DCAKD: variants seen among roughly 807,000 people sequenced by gnomAD.
DCAKD encodes the protein dephospho-CoA kinase domain-containing protein.
Under a neutral mutation model 18.7 loss-of-function variants are expected in DCAKD, and 15 were observed. The observed-to-expected ratio is 0.80, with a 90% CI of 0.54 to 1.24. The LOEUF (loss-of-function observed/expected upper bound fraction) is 1.24. Among genes scored for constraint, DCAKD ranks in the 50% most tolerant of loss-of-function variants. The pLI, the probability that DCAKD is intolerant of heterozygous loss-of-function variation, is 0.00. For synonymous variants in DCAKD, 130 were observed against 133.0 expected (o/e 0.98, Z 0.16); for missense variants, 301 against 322.0 (o/e 0.93, Z 0.50).
At chr17:45,043,312 G>T (rs2053482611) in intron 1 of DCAKD, among the ~76,000 whole-genome samples, 1 of 151,618 alleles carries the variant, frequency 6.6e-6, no homozygotes, top group African/African-American at 2.4e-5. Flanking sequence ...AGGATTAAAT[G>T]AGGTGACAAC....
intron 1 of DCAKD, among the ~76,000 whole-genome samples, chr17:45,059,036 C>A (rs184243900): frequency 0.046 from 6,944 of 152,020 alleles, 518 homozygotes; most frequent in African/African-American, 0.16. Flanking sequence ...GTCAGGAGAT[C>A]GAGCCCACCC....
At chr17:45,032,961 C>T (rs1159569118) in intron 3 of DCAKD, among the ~76,000 whole-genome samples, 1 of 152,198 alleles carries the variant, frequency 6.6e-6, no homozygotes, top group East Asian at 1.9e-4. Context: ...AGATCCCAAG[C>T]CACCGCCCTC....
chr17:45,032,841 A>C (rs2053200738), intron 3 of DCAKD, among the ~76,000 whole-genome samples: 1 of 151,762 alleles, frequency 6.6e-6, no homozygotes. Flanking sequence ...GTAGTGACTG[A>C]GAGTGGGGTG....
At position 45,041,195 on chromosome 17, in the gene DCAKD, C is replaced by G. The variant is rs142437085; in HGVS notation, c.-114-6196G>C. On this transcript the variant is annotated intron_variant, in intron 1 of 4. Coordinates refer to ENST00000651974, the MANE Select transcript of DCAKD (RefSeq NM_001288655.2). The stretch of plus-strand genomic sequence containing the variant: ...ATCTAAAACCTTCACTGCCTTCTCC[C>G]GCCTCCTCCTGGCCCTTCACAGAGG... Among the ~76,000 whole-genome samples the G allele has an allele frequency of 9.6e-3, 1,454 of 152,200 alleles. 17 individuals are homozygous for G. Among genetic ancestry groups the G allele is most frequent in the Non-Finnish European group, 0.016 (1,094 of 68,008 alleles).
chr17:45,057,508 G>A (rs892917997), intron 1 of DCAKD, among the ~76,000 whole-genome samples: 31 of 151,750 alleles, frequency 2.0e-4, no homozygotes, highest in African/African-American at 6.8e-4. Context: ...TTGGAGACCA[G>A]CCTGGGCAAC....
intron 4 of DCAKD, among the ~76,000 whole-genome samples, chr17:45,026,329 G>A (rs1003588012): frequency 6.7e-6 from 1 of 148,510 alleles, no homozygotes; most frequent in Non-Finnish European, 1.5e-5. Context: ...CCAGGTTCAC[G>A]CCATTCTCCT....
chr17:45,031,369 C>G (rs914536471), intron 3 of DCAKD: 67 of 983,324 alleles, frequency 6.8e-5, no homozygotes, highest in Non-Finnish European at 7.7e-5. Context: ...TTGGTAGCCC[C>G]CCCACCTTCC....
chr17:45,044,284 G>A (rs1373499533), intron 1 of DCAKD, among the ~76,000 whole-genome samples: 1 of 151,992 alleles, frequency 6.6e-6, no homozygotes, highest in East Asian at 2.0e-4. Flanking sequence ...CTCTTCCCCA[G>A]AGGGCTGCCC....
intron 1 of DCAKD, among the ~76,000 whole-genome samples, chr17:45,043,847 C>T (rs1214974345): frequency 2.6e-5 from 4 of 152,028 alleles, no homozygotes; most frequent in Non-Finnish European, 5.9e-5. Flanking sequence ...GGCCAAAAGC[C>T]TCGGAATCCT....
intron 2 of DCAKD, 62 bp from the exon 3 acceptor site, chr17:45,034,452 A>C: frequency 3.2e-6 from 5 of 1,582,730 alleles, no homozygotes; most frequent in Non-Finnish European, 3.4e-6. Context: ...AGAGGACCTC[A>C]GTGACCAGGG....
intron 1 of DCAKD, among the ~76,000 whole-genome samples, chr17:45,040,445 T>C (rs8078303): frequency 0.21 from 31,851 of 148,826 alleles, 3,767 homozygotes; most frequent in Admixed American, 0.32. Flanking sequence ...TTACTGTTGG[T>C]GGCCTGGGAA....
chr17:45,052,211 G>A (rs1302919198), upstream of DCAKD, among the ~76,000 whole-genome samples: 1 of 152,160 alleles, frequency 6.6e-6, no homozygotes, highest in African/African-American at 2.4e-5. Context: ...CCCGGAGCCG[G>A]GAAGGAGAGG....
intron 1 of DCAKD, among the ~76,000 whole-genome samples, chr17:45,043,819 C>CA (rs2053496586): frequency 6.6e-6 from 1 of 151,896 alleles, no homozygotes; most frequent in African/African-American, 2.4e-5. Context: ...CTCCCTCCTC[C>CA]CTCCTTCCAC....
intron 1 of DCAKD, among the ~76,000 whole-genome samples, chr17:45,042,550 G>C (rs1025959397): frequency 6.6e-6 from 1 of 152,168 alleles, no homozygotes; most frequent in Non-Finnish European, 1.5e-5. Context: ...TTTCCTAAGG[G>C]GGTGTATCTG....
chr17:45,060,957 G>A (rs2143433081), exon 1 of DCAKD: 15 of 969,980 alleles, frequency 1.5e-5, no homozygotes, highest in Non-Finnish European at 1.9e-5. Flanking sequence ...GGCAAGGGCA[G>A]GCTGAAATCA....
chr17:45,052,485 C>T (rs1303137513), upstream of DCAKD, among the ~76,000 whole-genome samples: 2 of 152,140 alleles, frequency 1.3e-5, no homozygotes, highest in Non-Finnish European at 2.9e-5. Flanking sequence ...GAGCCCGCAT[C>T]CTGTCCATAC....
intron 1 of DCAKD, among the ~76,000 whole-genome samples, chr17:45,038,691 C>T (rs937766374): frequency 2.6e-5 from 4 of 152,142 alleles, no homozygotes; most frequent in African/African-American, 4.8e-5. Flanking sequence ...TCCAGCCTCC[C>T]GGGTTACCTA....
chr17:45,032,213 G>T (rs2053184315), intron 3 of DCAKD: 1 of 750,536 alleles, frequency 1.3e-6, no homozygotes, highest in African/African-American at 1.9e-5. Flanking sequence ...CACAACATAG[G>T]AGGCAGCACA....
Position 45,034,758 on chromosome 17 carries a change from T to A in DCAKD, c.112+16A>T, listed in dbSNP as rs951858289. On this transcript the variant is annotated intron_variant, in intron 2 of 4. Coordinates refer to ENST00000651974, the MANE Select transcript of DCAKD (RefSeq NM_001288655.2). The stretch of plus-strand genomic sequence containing the variant: ...AGCTGCTGTGCACGGCCCCCCAACC[T>A]GCCCCTCCAACTCACCGTGCCGGGC... 2.2e-5 allele frequency: 36 copies of A among 1,613,170 alleles called. No individual in the cohort carries two copies. The highest frequency in any genetic ancestry group is 3.1e-5 in the Non-Finnish European group (36 of 1,179,480).
Sources: gnomAD v4.1 joint callset for allele counts (sites outside exome capture counted in the v4.1 genomes callset) on GRCh38, gnomAD v4.1.1 for gene constraint, MANE v1.5 for transcripts, NCBI Gene and HGNC (gene_info 2026-07-23, HGNC 2026-07-21) for gene names.